The following PLOD2 variants were observed in gnomAD, a reference collection of about 807,000 sequenced individuals.
PLOD2 encodes the protein procollagen-lysine,2-oxoglutarate 5-dioxygenase 2, also known as lysine hydroxylase 2.
In PLOD2, 65 loss-of-function variants were observed where a neutral mutation model predicts 101.0. That is an observed-to-expected ratio of 0.64 (90% confidence interval 0.53 to 0.79). PLOD2 has a LOEUF of 0.79. PLOD2 is among the 30% of genes least tolerant of loss of function. The pLI, the probability that PLOD2 is intolerant of heterozygous loss-of-function variation, is 0.00. For synonymous variants in PLOD2, 314 were observed against 302.9 expected (o/e 1.04, Z -0.38); for missense variants, 909 against 914.6 (o/e 0.99, Z 0.08).
intron 1 of PLOD2, 54 bp downstream of exon 1, chr3:146,160,827 T>C (rs2032539821): frequency 1.8e-6 from 2 of 1,128,712 alleles, no homozygotes; most frequent in Admixed American, 4.0e-5. Flanking sequence ...ATGAATGAAC[T>C]GCCCCCCCGC....
intron 10 of PLOD2, chr3:146,086,274 A>G (rs546647111): frequency 6.6e-6 from 1 of 152,546 alleles, no homozygotes; most frequent in African/African-American, 2.4e-5. Flanking sequence ...TTCATTGAAT[A>G]CACGATTTTT....
Position 146,069,792 on chromosome 3 carries a change from T to C in PLOD2, c.*925A>G, listed in dbSNP as rs781067174. 1 of 152,168 alleles carries C rather than the reference T, an allele frequency of 6.6e-6. No individual in the cohort carries two copies. Among genetic ancestry groups the C allele is most frequent in the African/African-American group, 2.4e-5 (1 of 41,402 alleles). The allele number at this position is 152,168 out of a possible 1,614,324, so 9.4% of individuals were successfully genotyped here. A position where few individuals can be genotyped will look rare whatever the true frequency, so the allele number is the denominator to read the frequency against. On this transcript the variant is annotated 3_prime_UTR_variant, in exon 20 of 20. Transcript: ENST00000282903. ...GAAGCAAGGCTCAACAACTTTGTTT[T>C]CCTGATATAAAATTCAAGTACTTAA...
chr3:146,080,835 C>T (rs778776740), intron 12 of PLOD2, among the ~76,000 whole-genome samples: 23 of 152,164 alleles, frequency 1.5e-4, no homozygotes, highest in Non-Finnish European at 2.9e-4. Context: ...ATTTTAATTG[C>T]AGCTAACAAA....
chr3:146,072,617 C>T lies in PLOD2; in HGVS notation c.1792G>A (p.Asp598Asn). 1.2e-6 allele frequency: 2 copies of T among 1,610,886 alleles called. No homozygotes were observed. Among genetic ancestry groups the T allele is most frequent in the Non-Finnish European group, 1.7e-6 (2 of 1,177,800 alleles). Residue 598 changes from aspartate (D) to asparagine (N), a missense_variant, in exon 17 of 20, where the codon GAT (aspartate) becomes AAT (asparagine). Physicochemically the swap from Asp to Asn is conservative, Grantham distance 23. Coordinates refer to ENST00000282903, the MANE Select transcript of PLOD2 (RefSeq NM_182943.3). ...WFPIFSEKAC[D>N]ELVEEMEHYG... ...TGTTCCATTTCTTCTACCAATTCAT[C>T]ACAGGCTTTTTCAGAAAATATGGGG... is the stretch of plus-strand genomic sequence containing the variant.
intron 1 of PLOD2, among the ~76,000 whole-genome samples, chr3:146,151,908 A>G (rs1273045624): frequency 6.6e-6 from 1 of 152,190 alleles, no homozygotes; most frequent in African/African-American, 2.4e-5. Flanking sequence ...AGTATTACAC[A>G]ATGGGAATTA....
At position 146,073,343 on chromosome 3, in the gene PLOD2, C is replaced by A; in HGVS notation, c.1687G>T (p.Glu563Ter). The change falls in exon 16 of 20, where the codon GAA (glutamate) becomes TAA (stop). Residue 563 changes from glutamate (E) to a stop codon, truncating the protein, a stop_gained. Transcript: ENST00000282903. LOFTEE classifies it high-confidence loss of function. ...QIFENPVDWK[E>*]KYINRDYSKI... ...GAATAATCACGGTTTATATACTTTT[C>A]CTTCCAGTCCTATAAAAAGAAGTAC... 1 of 1,161,552 alleles carries A rather than the reference C, an allele frequency of 8.6e-7. No individual in the cohort carries two copies. Among genetic ancestry groups the A allele is most frequent in the East Asian group, 2.4e-5 (1 of 41,100 alleles). 72.0% of individuals were successfully genotyped at this position (1,161,552 alleles called of 1,614,324 possible). A position where few individuals can be genotyped will look rare whatever the true frequency, so the allele number is the denominator to read the frequency against.
In PLOD2 at chr3:146,071,400, A is replaced by C. The variant is rs1248510301; in HGVS notation, c.1872T>G (p.Tyr624Ter). The change falls in exon 18 of 20, where the codon TAT becomes TAG. Residue 624 changes from tyrosine (Y) to a stop codon, truncating the protein, a stop_gained. Coordinates refer to ENST00000282903, the MANE Select transcript of PLOD2 (RefSeq NM_182943.3). LOFTEE classifies it high-confidence loss of function. Reference sequence around the variant, plus strand: ...GGATATCATCAGTTGGGACATTTTCATAACCACCAGATATACGGCTATCCT... The same window carrying C: ...GGATATCATCAGTTGGGACATTTTCCTAACCACCAGATATACGGCTATCCT... Reference protein sequence around the residue: ...KHHDSRISGGYENVPTDDIHM... With the variant: ...KHHDSRISGG 6.2e-7 allele frequency: 1 copy of C among 1,611,874 alleles called. No individual in the cohort carries two copies.
At chr3:146,154,212 T>A (rs1406352593) in intron 1 of PLOD2, among the ~76,000 whole-genome samples, 1 of 152,222 alleles carries the variant, frequency 6.6e-6, no homozygotes. Context: ...TTATTTGTAT[T>A]AAAAGTCTAT....
chr3:146,072,039 G>C (rs1347866407), intron 17 of PLOD2, among the ~76,000 whole-genome samples: 19 of 151,656 alleles, frequency 1.3e-4, no homozygotes, highest in Non-Finnish European at 1.5e-5. Flanking sequence ...GTTCTCAGAG[G>C]GAAAGAAACA....
intron 7 of PLOD2, among the ~76,000 whole-genome samples, chr3:146,097,868 A>C (rs1937260905): frequency 6.6e-6 from 1 of 152,022 alleles, no homozygotes; most frequent in Non-Finnish European, 1.5e-5. Flanking sequence ...AATACTATGC[A>C]GCCATGAAAA....
At chr3:146,124,617 C>T (rs1033336879) in intron 1 of PLOD2, among the ~76,000 whole-genome samples, 14 of 151,858 alleles carry the variant, frequency 9.2e-5, no homozygotes, top group African/African-American at 3.4e-4. Context: ...ATGACATCAC[C>T]AGTGAGGAGA....
intron 11 of PLOD2, 32 bp from the exon 12 acceptor site, chr3:146,081,895 G>T: frequency 6.3e-7 from 1 of 1,584,838 alleles, no homozygotes; most frequent in Non-Finnish European, 8.6e-7. Context: ...GTGAGAGAGA[G>T]AAACCTATAT....
intron 16 of PLOD2, 97 bp from the exon 17 acceptor site, chr3:146,072,762 A>G: frequency 1.3e-6 from 1 of 765,564 alleles, no homozygotes; most frequent in South Asian, 1.6e-5. Flanking sequence ...AAAATCCTGT[A>G]TGACTAGGAA....
At chr3:146,135,593 G>A (rs1201801141) in intron 1 of PLOD2, among the ~76,000 whole-genome samples, 1 of 151,914 alleles carries the variant, frequency 6.6e-6, no homozygotes, top group East Asian at 1.9e-4. Context: ...TTAAATTTTG[G>A]ACTAGGTGAC....
chr3:146,150,717 G>A (rs2032015515), intron 1 of PLOD2, among the ~76,000 whole-genome samples: 1 of 143,770 alleles, frequency 7.0e-6, no homozygotes, highest in Admixed American at 7.1e-5. Context: ...ATGTACCCCT[G>A]AACCCTAAAT....
intron 3 of PLOD2, among the ~76,000 whole-genome samples, chr3:146,117,961 G>A (rs771682747): frequency 4.6e-5 from 7 of 152,004 alleles, no homozygotes; most frequent in South Asian, 4.1e-4. Flanking sequence ...ATGGTGATGC[G>A]AGAGTGATGG....
intron 7 of PLOD2, among the ~76,000 whole-genome samples, chr3:146,098,250 A>G (rs895617276): frequency 6.6e-5 from 10 of 152,224 alleles, no homozygotes; most frequent in African/African-American, 2.4e-4. Flanking sequence ...CATAATTAAG[A>G]TGTATATTGT....
At chr3:146,081,965 C>T in intron 11 of PLOD2, 102 bp from the exon 12 acceptor site, 1 of 941,710 alleles carries the variant, frequency 1.1e-6, no homozygotes, top group Non-Finnish European at 1.6e-6. Flanking sequence ...TGACATATAA[C>T]ACAAGAAAGC....
chr3:146,147,211 A>C (rs1417779718), intron 1 of PLOD2, among the ~76,000 whole-genome samples: 1 of 152,138 alleles, frequency 6.6e-6, no homozygotes, highest in Non-Finnish European at 1.5e-5. Context: ...AAAAATCTAC[A>C]AAAAAATCAC....
Sources: allele counts gnomAD v4.1 joint callset (sites outside exome capture counted in the v4.1 genomes callset), GRCh38; gene constraint gnomAD v4.1.1; transcripts MANE v1.5; gene names NCBI Gene and HGNC (gene_info 2026-07-23, HGNC 2026-07-21).